WDR93: variants seen among roughly 807,000 people sequenced by gnomAD.
WDR93 encodes WD repeat-containing protein 93.
A neutral mutation model predicts 82.9 loss-of-function variants in WDR93; 73 were observed. That is an observed-to-expected ratio of 0.88 (90% CI 0.73 to 1.07). The LOEUF is 1.07. Among genes scored for constraint, WDR93 ranks in the 50% least tolerant of loss-of-function variants. The probability of loss-of-function intolerance (pLI) is 0.00; values close to 1 mark genes in which losing one functional copy is unlikely to be tolerated. For missense variants in WDR93, 738 were observed against 826.0 expected (o/e 0.89, Z 1.31); for synonymous variants, 283 against 300.1 (o/e 0.94, Z 0.59).
At chr15:89,691,793 C>T (rs566505136) in intron 1 of WDR93, among the ~76,000 whole-genome samples, 10 of 152,328 alleles carry the variant, frequency 6.6e-5, no homozygotes, top group African/African-American at 2.4e-4. Flanking sequence ...CAGCTCCTAA[C>T]ATTTGCAGGC....
intron 1 of WDR93, among the ~76,000 whole-genome samples, chr15:89,698,931 A>G (rs923216427): frequency 6.6e-6 from 1 of 152,120 alleles, no homozygotes; most frequent in Admixed American, 6.6e-5. Flanking sequence ...TCTGTCACCC[A>G]GGCTGGAGTG....
chr15:89,727,081 G>A, intron 8 of WDR93, 76 bp from the exon 9 acceptor site: 1 of 1,496,516 alleles, frequency 6.7e-7, no homozygotes, highest in Non-Finnish European at 9.2e-7. Context: ...AAGCTGGGAA[G>A]AGTGGAAGAA....
intron 4 of WDR93, among the ~76,000 whole-genome samples, chr15:89,711,087 A>T (rs1265791080): frequency 6.6e-6 from 1 of 152,214 alleles, no homozygotes; most frequent in Non-Finnish European, 1.5e-5. Flanking sequence ...CCTTAACATT[A>T]CTAAAAGAGA....
At chr15:89,712,880 T>C (rs558609722) in intron 5 of WDR93, among the ~76,000 whole-genome samples, 1 of 152,126 alleles carries the variant, frequency 6.6e-6, no homozygotes, top group South Asian at 2.1e-4. Context: ...ATTCCAGCAC[T>C]TTGGGAGGCC....
chr15:89,701,293 G>T (rs546031890), intron 1 of WDR93, among the ~76,000 whole-genome samples: 2 of 152,094 alleles, frequency 1.3e-5, no homozygotes, highest in African/African-American at 2.4e-5. Flanking sequence ...TGCATCTGAT[G>T]GGGGGTAAAG....
intron 5 of WDR93, among the ~76,000 whole-genome samples, chr15:89,713,726 G>A (rs1966109575): frequency 6.6e-6 from 1 of 152,110 alleles, no homozygotes; most frequent in Admixed American, 6.6e-5. Flanking sequence ...GCCCGCCTCG[G>A]CCTCTGAAAG....
At chr15:89,734,001 G>T (rs1596119780) in intron 13 of WDR93, among the ~76,000 whole-genome samples, 1 of 151,524 alleles carries the variant, frequency 6.6e-6, no homozygotes. Flanking sequence ...TAATGTGTGT[G>T]TGTGTGTGTG....
At chr15:89,722,926 C>T (rs1461270651) in intron 8 of WDR93, among the ~76,000 whole-genome samples, 5 of 152,048 alleles carry the variant, frequency 3.3e-5, no homozygotes, top group East Asian at 1.9e-4. Context: ...AAATCTGGGC[C>T]GTGTGCGGCG....
At chr15:89,692,443 A>G (rs1052990573) in intron 1 of WDR93, among the ~76,000 whole-genome samples, 5 of 152,192 alleles carry the variant, frequency 3.3e-5, no homozygotes, top group African/African-American at 1.2e-4. Context: ...TCTGCAAGCA[A>G]TGAGAATTTA....
chr15:89,738,765 A>T (rs1967419455), intron 16 of WDR93, among the ~76,000 whole-genome samples: 1 of 152,114 alleles, frequency 6.6e-6, no homozygotes, highest in Non-Finnish European at 1.5e-5. Context: ...AAGGGCTTCC[A>T]GTTGGTGTTT....
chr15:89,700,856 C>T (rs1965426050), intron 1 of WDR93, among the ~76,000 whole-genome samples: 1 of 152,076 alleles, frequency 6.6e-6, no homozygotes, highest in Admixed American at 6.5e-5. Context: ...CCCACAGGCC[C>T]TACAATTTTG....
At chr15:89,705,734 G>A (rs192095241) in intron 4 of WDR93, 116 bp downstream of exon 4, 34 of 724,252 alleles carry the variant, frequency 4.7e-5, no homozygotes, top group Admixed American at 2.5e-4. Flanking sequence ...AGACCTCCAT[G>A]GCCAGAGAGC....
chr15:89,690,721 G>C (rs1416564542), upstream of WDR93: 3 of 933,992 alleles, frequency 3.2e-6, no homozygotes, highest in Non-Finnish European at 4.9e-6. Context: ...GTCAGTCCCA[G>C]GTTATCCGCT....
rs886919218 is a variant in WDR93, at chr15:89,738,225, C to T, written c.1950C>T (p.Phe650=). ...CACTGGAGAAGAGATGTGAGCGTTT[C>T]CTCCAGAAGAGGTAAAGAGCTCTGT... ...ALPLEKRCER[F]LQKSYRKLEK... The change falls in exon 16 of 17, where the codon TTC becomes TTT. Residue 650 remains phenylalanine, a synonymous_variant. Coordinates refer to ENST00000268130, the MANE Select transcript of WDR93 (RefSeq NM_020212.2). 3 of 1,607,238 alleles carry T rather than the reference C, an allele frequency of 1.9e-6. No homozygotes were observed. The highest frequency in any genetic ancestry group is 2.7e-5 in the African/African-American group (2 of 74,338).
intron 1 of WDR93, among the ~76,000 whole-genome samples, chr15:89,698,631 A>C (rs1965303761): frequency 6.6e-6 from 1 of 152,078 alleles, no homozygotes; most frequent in Admixed American, 6.6e-5. Flanking sequence ...TGCATCTTTA[A>C]CCTAGCATAG....
chr15:89,704,772 A>T (rs1384042367), intron 3 of WDR93: 1 of 152,242 alleles, frequency 6.6e-6, no homozygotes, highest in African/African-American at 2.4e-5. Flanking sequence ...TATGTATCAC[A>T]CTACATTATA....
At chr15:89,691,673 T>C (rs1309398169) in intron 1 of WDR93, among the ~76,000 whole-genome samples, 2 of 152,138 alleles carry the variant, frequency 1.3e-5, no homozygotes, top group African/African-American at 4.8e-5. Flanking sequence ...TGAGCCGAGA[T>C]TGTGCCACTG....
chr15:89,690,729 G>T (rs186678055), upstream of WDR93: 2 of 845,808 alleles, frequency 2.4e-6, no homozygotes, highest in Non-Finnish European at 1.9e-6. Context: ...CAGGTTATCC[G>T]CTGAGGGGGA....
intron 1 of WDR93, among the ~76,000 whole-genome samples, chr15:89,692,817 A>G (rs1964967025): frequency 6.6e-6 from 1 of 152,156 alleles, no homozygotes; most frequent in Non-Finnish European, 1.5e-5. Context: ...CATGCTGGTC[A>G]GGCTGGTCTG....
Sources: allele counts gnomAD v4.1 joint callset (sites outside exome capture counted in the v4.1 genomes callset), GRCh38; gene constraint gnomAD v4.1.1; transcripts MANE v1.5; gene names NCBI Gene and HGNC (gene_info 2026-07-23, HGNC 2026-07-21).